ABCA7: variants seen among roughly 807,000 people sequenced by gnomAD.
ABCA7 encodes the protein ATP binding cassette subfamily A member 7, also known as phospholipid-transporting ATPase ABCA7.
ABCA7 carries 261 observed loss-of-function variants against 227.6 expected under a neutral mutation model. That is an observed-to-expected ratio of 1.15 (90% CI 1.04 to 1.27). The LOEUF (loss-of-function observed/expected upper bound fraction) is 1.27, where lower values mean the gene tolerates loss of function less well. ABCA7 is among the 50% of genes most tolerant of loss of function. The probability of loss-of-function intolerance (pLI) is 0.00; values close to 1 mark genes in which losing one functional copy is unlikely to be tolerated. For missense variants in ABCA7, 3,331 were observed against 2,924.5 expected (o/e 1.14, Z -3.21); for synonymous variants, 1,488 against 1,279.7 (o/e 1.16, Z -3.47).
chr19:1,055,868 A>C, intron 30 of ABCA7, 39 bp from the exon 31 acceptor site: 1 of 1,540,146 alleles, frequency 6.5e-7, no homozygotes, highest in Non-Finnish European at 8.8e-7. Context: ...TCTGTCCCAC[A>C]TCCCTGTCTG....
rs756540366 is a variant in ABCA7 at position 1,044,764 on chromosome 19, C to T, written c.1215+20C>T. 25 of 1,579,144 alleles carry T rather than the reference C, an allele frequency of 1.6e-5. No individual in the cohort carries two copies. The highest frequency in any genetic ancestry group is 1.4e-4 in the East Asian group (6 of 43,746). ...ACGGAGGTGAGGGCCTGTCCACCTG[C>T]GGGGTCTGTTTCAGTGGGGAGGGCA... On this transcript the variant is annotated intron_variant, in intron 11 of 46. Coordinates refer to ENST00000263094, the MANE Select transcript of ABCA7 (RefSeq NM_019112.4).
Position 1,054,368 on chromosome 19 carries a change from G to T in ABCA7, c.3726+27G>T, listed in dbSNP as rs749544192. The T allele has an allele frequency of 8.9e-6, 14 of 1,573,826 alleles. No individual in the cohort carries two copies. The highest frequency in any genetic ancestry group is 1.7e-5 in the Admixed American group (1 of 57,934). On this transcript the variant is annotated intron_variant, in intron 27 of 46. Coordinates refer to ENST00000263094, the MANE Select transcript of ABCA7 (RefSeq NM_019112.4). This position sits in a 1 kb window ranked among gnomAD's most constrained non-coding sequence, Gnocchi z 4.8. The stretch of plus-strand genomic sequence containing the variant: ...TGAGGAGGGCTAGCACCAGGGAGTC[G>T]CATGGGAGTCCCTGAGTTCCCTACC...
Position 1,051,462 on chromosome 19 carries a change from G to A in ABCA7, c.2838G>A (p.Arg946=), listed in dbSNP as rs1225569708. 1.9e-6 allele frequency: 3 copies of A among 1,581,214 alleles called. No homozygotes were observed. The highest frequency in any genetic ancestry group is 1.4e-5 in the African/African-American group (1 of 71,924). ...CATCTCTACCAGGTGGGATGCAACGGAAGCTGTCCGTGGCCATTGCCTTTG... is the reference window on the plus strand; with the variant it reads ...CATCTCTACCAGGTGGGATGCAACGAAAGCTGTCCGTGGCCATTGCCTTTG... ...QTRHLSGGMQ[R]KLSVAIAFVG... is the part of the protein sequence containing the mutation. The change falls in exon 21 of 47, where the codon CGG becomes CGA. Residue 946 remains arginine, a synonymous_variant. Coordinates refer to ENST00000263094, the MANE Select transcript of ABCA7 (RefSeq NM_019112.4).
chr19:1,045,006 T>C lies in ABCA7; in HGVS notation c.1220T>C (p.Leu407Pro). 6.2e-7 allele frequency: 1 copy of C among 1,612,510 alleles called. No individual in the cohort carries two copies. Residue 407 changes from leucine (L) to proline (P), a missense_variant, in exon 12 of 47, where the codon CTG (leucine) becomes CCG (proline). Leu to Pro is a moderately conservative substitution (Grantham distance 98). Coordinates refer to ENST00000263094, the MANE Select transcript of ABCA7 (RefSeq NM_019112.4). ...VGTLGRVTEC[L>P]SLDKLEAAPS... is the part of the protein sequence containing the mutation. The stretch of plus-strand genomic sequence containing the variant: ...ACTCACCCCCGCATCCCACAGTGCC[T>C]GTCCTTGGACAAGCTGGAGGCGGCA...
chr19:1,048,957 C>T lies in ABCA7; in HGVS notation c.2332C>T (p.Arg778Trp), dbSNP rs751607281. The T allele has an allele frequency of 6.8e-6, 11 of 1,609,478 alleles. No individual in the cohort carries two copies. In the Admixed American group the frequency reaches 8.4e-5, roughly 12 times the overall value. Reference sequence around the variant, plus strand: ...TCGGAGGAGCTACTGGTGCGGACCTCGGCCCCCCAAGAGTCCAGCCCCTTG... The same window carrying T: ...TCGGAGGAGCTACTGGTGCGGACCTTGGCCCCCCAAGAGTCCAGCCCCTTG... ...PFRRSYWCGPRPPKSPAPCPT... is the reference protein window; with the variant it reads ...PFRRSYWCGPWPPKSPAPCPT... Residue 778 changes from arginine (R) to tryptophan (W), a missense_variant, in exon 17 of 47, where the codon CGG (arginine) becomes TGG (tryptophan). Transcript: ENST00000263094.
In ABCA7 at chr19:1,043,478, G is replaced by A. The variant is rs908841827; in HGVS notation, c.930+5G>A. Reference sequence around the variant, plus strand: ...ACCCGGAAGCTCATGGCCCAGGTGGGGGCAGCCTGGATGCTGGGGTGGGAG... The same window carrying A: ...ACCCGGAAGCTCATGGCCCAGGTGGAGGCAGCCTGGATGCTGGGGTGGGAG... On this transcript the variant is annotated splice_donor_5th_base_variant and intron_variant, in intron 9 of 46. Transcript: ENST00000263094. The A allele has an allele frequency of 6.2e-7, 1 of 1,613,194 alleles. No homozygotes were observed. The highest frequency in any genetic ancestry group is 8.5e-7 in the Non-Finnish European group (1 of 1,180,012).
chr19:1,060,880 C>T (rs2144944299), intron 40 of ABCA7, among the ~76,000 whole-genome samples: 1 of 152,228 alleles, frequency 6.6e-6, no homozygotes, highest in Non-Finnish European at 1.5e-5. Flanking sequence ...CTTGGGCTGA[C>T]TGTGCACCTA....
rs1568378432 is a variant in ABCA7, at chr19:1,056,088, GGCC to G, written c.4263_4265del (p.Arg1422del). On this transcript the variant is annotated inframe_deletion, in exon 32 of 47. Coordinates refer to ENST00000263094, the MANE Select transcript of ABCA7 (RefSeq NM_019112.4). The surrounding 1 kb of genome is among the most constrained non-coding windows in gnomAD (Gnocchi z 4.3). ...CAGATACGGAGGCTTCTCGCTGGGG[GGCC>G]GAGACCCAGGCCTGCCCTCGGGCCA... The G allele has an allele frequency of 6.3e-7, 1 of 1,598,508 alleles. No individual in the cohort carries two copies. The highest frequency in any genetic ancestry group is 1.1e-5 in the South Asian group (1 of 89,698).
chr19:1,042,987 G>A (rs2040212747), intron 7 of ABCA7, 54 bp from the exon 8 acceptor site: 1 of 1,553,930 alleles, frequency 6.4e-7, no homozygotes, highest in Non-Finnish European at 8.7e-7. Flanking sequence ...CCCTGCCCTG[G>A]TTAGGGCTTG....
At chr19:1,063,733 G>C in intron 43 of ABCA7, 27 bp from the exon 44 acceptor site, 1 of 1,550,106 alleles carries the variant, frequency 6.5e-7, no homozygotes. Flanking sequence ...GCGGGGCCTT[G>C]CTTATGGGAT....
chr19:1,051,970 C>G lies in ABCA7; in HGVS notation c.2991C>G (p.His997Gln). The change falls in exon 22 of 47, where the codon CAC becomes CAG. Residue 997 changes from histidine (H) to glutamine (Q), a missense_variant. Coordinates refer to ENST00000263094, the MANE Select transcript of ABCA7 (RefSeq NM_019112.4). ...GCACGCTGATCCTCTCCACCCACCACCTGGATGAGGCAGAGCTGCTGGGAG... is the reference window on the plus strand; with the variant it reads ...GCACGCTGATCCTCTCCACCCACCAGCTGGATGAGGCAGAGCTGCTGGGAG... ...EGRTLILSTH[H>Q]LDEAELLGDR... 6.2e-7 allele frequency: 1 copy of G among 1,612,088 alleles called. No homozygotes were observed. Among genetic ancestry groups the G allele is most frequent in the East Asian group, 2.2e-5 (1 of 44,868 alleles).
In ABCA7 at chr19:1,042,688, C is replaced by A. The variant is rs551983535; in HGVS notation, c.499-58C>A. On this transcript the variant is annotated intron_variant, in intron 6 of 46. Coordinates refer to ENST00000263094, the MANE Select transcript of ABCA7 (RefSeq NM_019112.4). ...TGGTCTGCCTGGGAACTGGCCAGAG[C>A]GCTGGACCCCTAGTGAGTGTTCAAA... is the stretch of plus-strand genomic sequence containing the variant. 7 of 1,541,648 alleles carry A rather than the reference C, an allele frequency of 4.5e-6. No homozygotes were observed. In the East Asian group the frequency reaches 1.6e-4, roughly 35 times the overall value.
rs1253666341 is a variant in ABCA7, at chr19:1,056,029, C to T, written c.4239-37C>T. The T allele has an allele frequency of 6.4e-7, 1 of 1,559,176 alleles. No individual in the cohort carries two copies. The highest frequency in any genetic ancestry group is 1.2e-5 in the South Asian group (1 of 83,466). On this transcript the variant is annotated intron_variant, in intron 31 of 46. Coordinates refer to ENST00000263094, the MANE Select transcript of ABCA7 (RefSeq NM_019112.4). This position sits in a 1 kb window ranked among gnomAD's most constrained non-coding sequence, Gnocchi z 4.3. ...CTGGGAGCTCTCCCGGCCCCCCCGG[C>T]CCTCAGCTCCCCTTCCCTGCCTGCA...
At chr19:1,055,776 A>G (rs2042197990) in intron 30 of ABCA7, 131 bp from the exon 31 acceptor site, 1 of 929,742 alleles carries the variant, frequency 1.1e-6, no homozygotes, top group African/African-American at 1.7e-5. Flanking sequence ...TGTTGGGATT[A>G]CAGGCAGGAG....
In ABCA7 at chr19:1,063,580, T is replaced by C. The variant is rs751971782; in HGVS notation, c.5749T>C (p.Trp1917Arg). ...GGGCCTGGCGCGTCTGGGACTCTCA[T>C]GGTACGCAGACCGGCCTGCAGGCAC... is the stretch of plus-strand genomic sequence containing the variant. ...GSGLARLGLSWYADRPAGTYS... is the reference protein window; with the variant it reads ...GSGLARLGLSRYADRPAGTYS... Residue 1917 changes from tryptophan to arginine, a missense_variant, in exon 43 of 47, where the codon TGG becomes CGG. Transcript: ENST00000263094. 6.8e-6 allele frequency: 11 copies of C among 1,611,118 alleles called. No individual in the cohort carries two copies. The highest frequency in any genetic ancestry group is 1.1e-5 in the South Asian group (1 of 91,084).
At position 1,054,531 on chromosome 19, in the gene ABCA7, G is replaced by A; in HGVS notation, c.3727-39G>A. Reference sequence around the variant, plus strand: ...AGGGACAGGTGCAAGCAAGCCTGGAGGGTGGATGGAAGCAGCAGCTGATGG... The same window carrying A: ...AGGGACAGGTGCAAGCAAGCCTGGAAGGTGGATGGAAGCAGCAGCTGATGG... On this transcript the variant is annotated intron_variant, in intron 27 of 46. Coordinates refer to ENST00000263094, the MANE Select transcript of ABCA7 (RefSeq NM_019112.4). The surrounding 1 kb of genome is among the most constrained non-coding windows in gnomAD (Gnocchi z 4.8). The A allele has an allele frequency of 6.3e-7, 1 of 1,596,520 alleles. No individual in the cohort carries two copies. Among genetic ancestry groups the A allele is most frequent in the East Asian group, 2.2e-5 (1 of 44,448 alleles).
chr19:1,053,949 C>G (rs930431189), intron 25 of ABCA7, 57 bp from the exon 26 acceptor site: 3 of 1,607,138 alleles, frequency 1.9e-6, no homozygotes, highest in Non-Finnish European at 2.6e-6. Flanking sequence ...ATACCTGATT[C>G]CTGATCCCCC....
At chr19:1,044,775 T>C (rs768784238) in intron 11 of ABCA7, 31 bp downstream of exon 11, 5 of 1,568,120 alleles carry the variant, frequency 3.2e-6, no homozygotes, top group Non-Finnish European at 8.6e-7. Flanking sequence ...GGGGTCTGTT[T>C]CAGTGGGGAG....
rs569792541 is a variant in ABCA7 at position 1,051,446 on chromosome 19, C to G, written c.2825-3C>G. ...ACTGAGGTCCCTTCCCCATCTCTAC[C>G]AGGTGGGATGCAACGGAAGCTGTCC... On this transcript the variant is annotated splice_region_variant and splice_polypyrimidine_tract_variant and intron_variant, in intron 20 of 46. Coordinates refer to ENST00000263094, the MANE Select transcript of ABCA7 (RefSeq NM_019112.4). 12 of 1,611,262 alleles carry G rather than the reference C, an allele frequency of 7.4e-6. No homozygotes were observed. The East Asian group carries it at 2.2e-4, about 30-fold the overall frequency.
Sources: gnomAD v4.1 joint callset for allele counts (sites outside exome capture counted in the v4.1 genomes callset) on GRCh38, gnomAD v4.1.1 for gene constraint, Gnocchi (gnomAD v3.1) non-coding constraint, MANE v1.5 for transcripts, NCBI Gene and HGNC (gene_info 2026-07-23, HGNC 2026-07-21) for gene names.